The following RARB variants were observed in gnomAD, a reference collection of about 807,000 sequenced individuals.
RARB encodes HBV-activated protein.
Under a neutral mutation model 51.9 loss-of-function variants are expected in RARB, and 17 were observed. That is an observed-to-expected ratio of 0.33 (90% confidence interval 0.22 to 0.49). RARB has a LOEUF of 0.49. RARB is among the 20% of genes least tolerant of loss of function. The probability of loss-of-function intolerance (pLI) is 0.99; values close to 1 mark genes in which losing one functional copy is unlikely to be tolerated. For synonymous variants in RARB, 215 were observed against 195.4 expected (o/e 1.10, Z -0.84); for missense variants, 369 against 550.8 (o/e 0.67, Z 3.30).
intron 5 of RARB, among the ~76,000 whole-genome samples, chr3:25,345,208 G>A (rs1204742936): frequency 6.6e-5 from 10 of 152,156 alleles, no homozygotes; most frequent in Non-Finnish European, 1.3e-4. Context: ...AGAGTCAAAT[G>A]TAACCTCTGG....
chr3:25,429,905 T>C (rs2125514497), intron 1 of RARB, among the ~76,000 whole-genome samples: 1 of 152,356 alleles, frequency 6.6e-6, no homozygotes, highest in East Asian at 1.9e-4. Flanking sequence ...CATTGGAGCA[T>C]TAGCCTGAAA....
At chr3:25,595,908 T>C (rs1701800973) in intron 7 of RARB, among the ~76,000 whole-genome samples, 1 of 152,210 alleles carries the variant, frequency 6.6e-6, no homozygotes, top group South Asian at 2.1e-4. Context: ...AAATTGTTAT[T>C]TCCTGAAACT....
intron 5 of RARB, among the ~76,000 whole-genome samples, chr3:25,205,236 A>G (rs920699723): frequency 2.6e-5 from 4 of 152,156 alleles, no homozygotes; most frequent in Non-Finnish European, 2.9e-5. Flanking sequence ...GGCGCGGGAT[A>G]TAATCTCCTG....
intron 4 of RARB, among the ~76,000 whole-genome samples, chr3:25,154,309 A>AGGGT (rs1700340247): frequency 6.6e-6 from 1 of 152,182 alleles, no homozygotes; most frequent in South Asian, 2.1e-4. Context: ...AGCTTGCTGA[A>AGGGT]GGGTACCGTT....
chr3:25,232,836 T>C (rs972188938), intron 5 of RARB, among the ~76,000 whole-genome samples: 11 of 152,150 alleles, frequency 7.2e-5, no homozygotes, highest in African/African-American at 2.7e-4. Context: ...TTCAACACTT[T>C]ATTATAAAAA....
intron 1 of RARB, among the ~76,000 whole-genome samples, chr3:24,854,806 A>G (rs1702611331): frequency 6.6e-6 from 1 of 152,144 alleles, no homozygotes; most frequent in East Asian, 1.9e-4. Context: ...AATATTATGA[A>G]ATGTTCCCTG....
At chr3:25,190,687 C>G (rs1192209147) in intron 5 of RARB, among the ~76,000 whole-genome samples, 2 of 152,132 alleles carry the variant, frequency 1.3e-5, no homozygotes, top group South Asian at 4.1e-4. Context: ...AAATGCCCTT[C>G]CTCCAAAAAG....
At chr3:25,067,013 A>T (rs1261855581) in intron 3 of RARB, among the ~76,000 whole-genome samples, 1 of 152,170 alleles carries the variant, frequency 6.6e-6, no homozygotes, top group East Asian at 1.9e-4. Context: ...CTACTACTAC[A>T]TGCTGGATAC....
intron 2 of RARB, among the ~76,000 whole-genome samples, chr3:24,946,106 A>C (rs33999057): frequency 0.13 from 19,068 of 151,976 alleles, 1,389 homozygotes; most frequent in Non-Finnish European, 0.16. Flanking sequence ...TCTACTAAAA[A>C]TACAGAAAAT....
chr3:25,260,052 G>A (rs567194451), intron 5 of RARB: 17 of 946,098 alleles, frequency 1.8e-5, no homozygotes, highest in East Asian at 1.2e-4. Context: ...GTGTGAGTTC[G>A]TGTGTGGCTG....
At chr3:25,430,648 G>A (rs1210113567) in intron 1 of RARB, among the ~76,000 whole-genome samples, 1 of 152,186 alleles carries the variant, frequency 6.6e-6, no homozygotes, top group African/African-American at 2.4e-5. Flanking sequence ...GAGAGCGAGC[G>A]GTGAATGTGT....
At chr3:25,176,027 GC>G (rs1362807208) in intron 5 of RARB, among the ~76,000 whole-genome samples, 1 of 152,262 alleles carries the variant, frequency 6.6e-6, no homozygotes, top group East Asian at 1.9e-4. Flanking sequence ...GATTGATAAA[GC>G]CATTAAAATT....
intron 2 of RARB, among the ~76,000 whole-genome samples, chr3:24,924,763 C>T (rs1695282716): frequency 6.6e-6 from 1 of 152,082 alleles, no homozygotes; most frequent in African/African-American, 2.4e-5. Flanking sequence ...GCATGATCTG[C>T]AGGGCCCGAG....
At chr3:25,167,061 A>T (rs1026166389) in intron 4 of RARB, among the ~76,000 whole-genome samples, 6 of 152,150 alleles carry the variant, frequency 3.9e-5, no homozygotes, top group Non-Finnish European at 5.9e-5. Context: ...GGGAATGCCA[A>T]TTTAGATATT....
intron 2 of RARB, among the ~76,000 whole-genome samples, chr3:24,937,345 C>T (rs1575080384): frequency 6.6e-6 from 1 of 152,162 alleles, no homozygotes; most frequent in Non-Finnish European, 1.5e-5. Context: ...GCCATCAACA[C>T]ACCCAGTTCT....
intron 5 of RARB, among the ~76,000 whole-genome samples, chr3:25,251,653 T>C (rs1702724022): frequency 1.3e-5 from 2 of 152,222 alleles, no homozygotes; most frequent in Admixed American, 1.3e-4. Context: ...GCTATTTGCA[T>C]ATCTTCTCTT....
At chr3:25,446,819 A>AG (rs1559406909) in intron 1 of RARB, among the ~76,000 whole-genome samples, 3 of 141,262 alleles carry the variant, frequency 2.1e-5, no homozygotes, top group Non-Finnish European at 4.7e-5. Context: ...AAAAAAAAAA[A>AG]AAAAAAAAAA....
intron 2 of RARB, among the ~76,000 whole-genome samples, chr3:24,860,104 A>T (rs183822469): frequency 1.3e-5 from 2 of 152,144 alleles, no homozygotes; most frequent in Non-Finnish European, 2.9e-5. Context: ...TATTATGTTC[A>T]TGTTAAACTA....
chr3:24,831,314 G>A (rs1352651432), intron 1 of RARB, among the ~76,000 whole-genome samples: 2 of 152,138 alleles, frequency 1.3e-5, no homozygotes, highest in Non-Finnish European at 2.9e-5. Context: ...AACAATTGAT[G>A]GTATGATGCA....
Sources: gnomAD v4.1 joint callset for allele counts (sites outside exome capture counted in the v4.1 genomes callset) on GRCh38, gnomAD v4.1.1 for gene constraint, MANE v1.5 for transcripts, NCBI Gene and HGNC (gene_info 2026-07-23, HGNC 2026-07-21) for gene names.